Variants in TYW1 observed in about 807,000 individuals in gnomAD.
TYW1 encodes tRNA-yW synthesizing protein 1 homolog.
TYW1 carries 46 observed loss-of-function variants against 96.2 expected under a neutral mutation model. The observed-to-expected ratio is 0.48, with a 90% CI of 0.38 to 0.61. The LOEUF is 0.61. Ranked by LOEUF, TYW1 falls within the 20% of genes least tolerant of loss-of-function variation. TYW1 has a pLI of 0.00. For synonymous variants in TYW1, 274 were observed against 323.0 expected, an observed-to-expected ratio of 0.85 and a Z score of 1.63; for missense variants, 684 against 909.6, an observed-to-expected ratio of 0.75 and a Z score of 3.19.
intron 15 of TYW1, among the ~76,000 whole-genome samples, chr7:67,230,067 T>C (rs1032066073): frequency 1.1e-4 from 17 of 151,702 alleles, no homozygotes; most frequent in African/African-American, 2.2e-4. Flanking sequence ...CATGGGATCA[T>C]GTAATGGCCA....
intron 15 of TYW1, among the ~76,000 whole-genome samples, chr7:67,199,696 C>G (rs1427300039): frequency 3.9e-5 from 6 of 152,128 alleles, no homozygotes; most frequent in Non-Finnish European, 8.8e-5. Flanking sequence ...GGTCATTATT[C>G]ATTACTGTAC....
chr7:67,211,816 C>A (rs1801035948), intron 15 of TYW1, among the ~76,000 whole-genome samples: 1 of 152,172 alleles, frequency 6.6e-6, no homozygotes, highest in South Asian at 2.1e-4. Context: ...TTCCTTTTGC[C>A]TCTAGTCTTG....
chr7:66,999,865 T>TGGG (rs2129235834), intron 3 of TYW1, among the ~76,000 whole-genome samples: 1 of 152,250 alleles, frequency 6.6e-6, no homozygotes, highest in Admixed American at 6.5e-5. Flanking sequence ...GGTAATAGTA[T>TGGG]GGTTATCTCA....
chr7:67,183,377 C>T, intron 14 of TYW1, 141 bp downstream of exon 14: 1 of 720,658 alleles, frequency 1.4e-6, no homozygotes, highest in Non-Finnish European at 2.3e-6. Flanking sequence ...GATCGATATT[C>T]ATCAAGAACC....
chr7:66,997,262 G>A (rs1408062282), intron 1 of TYW1, among the ~76,000 whole-genome samples: 1 of 151,906 alleles, frequency 6.6e-6, no homozygotes, highest in Non-Finnish European at 1.5e-5. Flanking sequence ...TTCAGGCCTC[G>A]ACTTTTGAAA....
Position 67,080,882 on chromosome 7 carries a change from T to C in TYW1, c.1275-2548T>C, listed in dbSNP as rs1195995884. Among the ~76,000 whole-genome samples the C allele has an allele frequency of 3.3e-5, 5 of 151,730 alleles. No homozygotes were observed. The South Asian group carries it at 1.0e-3, about 32-fold the overall frequency. On this transcript the variant is annotated intron_variant, in intron 10 of 15. Coordinates refer to ENST00000359626, the MANE Select transcript of TYW1 (RefSeq NM_018264.4). ...TTTAATCCATTTACATTCAAGGTTA[T>C]TCATGGTAGATGATGACTTACTCAT...
intron 7 of TYW1, among the ~76,000 whole-genome samples, chr7:67,025,960 A>G (rs1794439278): frequency 6.6e-6 from 1 of 152,222 alleles, no homozygotes; most frequent in African/African-American, 2.4e-5. Flanking sequence ...ATCATAATGT[A>G]GAAAGTCAAT....
chr7:67,005,479 C>T (rs1012188801), intron 3 of TYW1, among the ~76,000 whole-genome samples: 9 of 152,178 alleles, frequency 5.9e-5, no homozygotes, highest in Non-Finnish European at 1.2e-4. Flanking sequence ...GCCTGTAGTC[C>T]TAGCTACTTG....
chr7:67,115,895 T>A (rs1797579773), intron 12 of TYW1, among the ~76,000 whole-genome samples: 1 of 152,228 alleles, frequency 6.6e-6, no homozygotes, highest in Non-Finnish European at 1.5e-5. Context: ...AATTGTGGAA[T>A]CCTTATAGAA....
chr7:67,054,306 T>C (rs1795445371), intron 8 of TYW1, among the ~76,000 whole-genome samples: 1 of 152,206 alleles, frequency 6.6e-6, no homozygotes, highest in South Asian at 2.1e-4. Flanking sequence ...GCAAAATTTA[T>C]AGAAACCTAT....
intron 7 of TYW1, among the ~76,000 whole-genome samples, chr7:67,026,265 A>T (rs1387993578): frequency 6.6e-6 from 1 of 151,898 alleles, no homozygotes; most frequent in Non-Finnish European, 1.5e-5. Flanking sequence ...TAGAGACGGG[A>T]TTTCACCATG....
At chr7:67,062,566 C>CACAAAAAAAAA (rs1795727105) in intron 9 of TYW1, among the ~76,000 whole-genome samples, 1 of 89,158 alleles carries the variant, frequency 1.1e-5, no homozygotes, top group African/African-American at 4.5e-5. Flanking sequence ...GACTCCGTCT[C>CACAAAAAAAAA]AAAAAAAAAA....
chr7:67,094,814 A>AT (rs1231704181), intron 11 of TYW1, among the ~76,000 whole-genome samples: 3 of 152,050 alleles, frequency 2.0e-5, no homozygotes, highest in Non-Finnish European at 4.4e-5. Flanking sequence ...CTGGGGATTC[A>AT]TTCTCTTTGT....
intron 13 of TYW1, among the ~76,000 whole-genome samples, chr7:67,138,605 C>T (rs1057147873): frequency 9.3e-4 from 142 of 152,182 alleles, no homozygotes; most frequent in African/African-American, 3.3e-3. Context: ...CATTAACCAT[C>T]CCACCTTCCT....
chr7:67,174,144 C>T (rs1264146321), intron 13 of TYW1, among the ~76,000 whole-genome samples: 1 of 150,612 alleles, frequency 6.6e-6, no homozygotes, highest in Non-Finnish European at 1.5e-5. Context: ...ACCCCCTTCC[C>T]CTATGCTCTT....
chr7:67,005,452 C>T (rs1584452940), intron 3 of TYW1, among the ~76,000 whole-genome samples: 1 of 152,128 alleles, frequency 6.6e-6, no homozygotes, highest in East Asian at 1.9e-4. Flanking sequence ...AAAAATTAGC[C>T]AGGCATGGTG....
chr7:67,032,758 C>T (rs1416360384), intron 7 of TYW1, among the ~76,000 whole-genome samples: 2 of 152,110 alleles, frequency 1.3e-5, no homozygotes, highest in African/African-American at 4.8e-5. Flanking sequence ...TTGGAGATAT[C>T]TTCCATGACC....
At chr7:66,997,924 C>T (rs1584443787) in intron 1 of TYW1, 141 bp from the exon 2 acceptor site, 7 of 1,177,472 alleles carry the variant, frequency 5.9e-6, no homozygotes, top group South Asian at 1.8e-5. Context: ...CCATCGTGCC[C>T]GGCCAACAGT....
chr7:67,147,458 G>A lies in TYW1; in HGVS notation c.1698+29840G>A, dbSNP rs559167331. 1.6e-4 allele frequency among the ~76,000 whole-genome samples: 24 copies of A among 152,024 alleles called. No homozygotes were observed. In the South Asian group the frequency reaches 2.9e-3, roughly 18 times the overall value. On this transcript the variant is annotated intron_variant, in intron 13 of 15. Coordinates refer to ENST00000359626, the MANE Select transcript of TYW1 (RefSeq NM_018264.4). ...TTAACTCTTAAGTTCAAAGGTATACGTGCACATTGGTTACACAGATAAACT... is the reference window on the plus strand; with the variant it reads ...TTAACTCTTAAGTTCAAAGGTATACATGCACATTGGTTACACAGATAAACT...
Sources: allele counts gnomAD v4.1 joint callset (sites outside exome capture counted in the v4.1 genomes callset), GRCh38; gene constraint gnomAD v4.1.1; transcripts MANE v1.5; gene names NCBI Gene and HGNC (gene_info 2026-07-23, HGNC 2026-07-21).